PDZRN3: variants seen among roughly 807,000 people sequenced by gnomAD.
PDZRN3 encodes PDZ domain containing ring finger 3.
A neutral mutation model predicts 85.7 loss-of-function variants in PDZRN3; 38 were observed. That is an observed-to-expected ratio of 0.44 (90% CI 0.34 to 0.58). The LOEUF (loss-of-function observed/expected upper bound fraction) is 0.58, where lower values mean the gene tolerates loss of function less well. Among genes scored for constraint, PDZRN3 ranks in the 20% least tolerant of loss-of-function variants. The probability of loss-of-function intolerance (pLI) is 0.01; values close to 1 mark genes in which losing one functional copy is unlikely to be tolerated. For synonymous variants in PDZRN3, 759 were observed against 638.0 expected (o/e 1.19, Z -2.86); for missense variants, 1,629 against 1,506.4 (o/e 1.08, Z -1.35).
chr3:73,386,226 C>CTATTTTTTTTTT (rs1701381838), intron 8 of PDZRN3, among the ~76,000 whole-genome samples: 1 of 90,730 alleles, frequency 1.1e-5, no homozygotes, highest in African/African-American at 4.1e-5. Flanking sequence ...CAAGATATCA[C>CTATTTTTTTTTT]TTTTTTTTTT....
At chr3:73,406,097 G>A (rs1701849840) in intron 3 of PDZRN3, among the ~76,000 whole-genome samples, 1 of 152,102 alleles carries the variant, frequency 6.6e-6, no homozygotes, top group South Asian at 2.1e-4. Context: ...GAGTTCGGCA[G>A]AAAAGAACTC....
chr3:73,554,392 G>A (rs187422675), intron 3 of PDZRN3, among the ~76,000 whole-genome samples: 3 of 151,066 alleles, frequency 2.0e-5, no homozygotes, highest in African/African-American at 7.3e-5. Flanking sequence ...ACACTCCCAA[G>A]ATGAGAACAA....
chr3:73,577,343 C>G (rs1029070857), intron 3 of PDZRN3, among the ~76,000 whole-genome samples: 3 of 152,168 alleles, frequency 2.0e-5, no homozygotes, highest in African/African-American at 7.2e-5. Flanking sequence ...CAACCCCACA[C>G]GTAATCAGAG....
chr3:73,512,587 A>G (rs1704187160), intron 3 of PDZRN3, among the ~76,000 whole-genome samples: 1 of 152,078 alleles, frequency 6.6e-6, no homozygotes, highest in Non-Finnish European at 1.5e-5. Flanking sequence ...TAAAGCCCAA[A>G]TTGCACTTGT....
chr3:73,507,060 T>C (rs943574156), intron 3 of PDZRN3, among the ~76,000 whole-genome samples: 6 of 152,212 alleles, frequency 3.9e-5, no homozygotes, highest in Non-Finnish European at 8.8e-5. Context: ...AACTACCTAA[T>C]GACAAAATAT....
chr3:73,579,588 G>A (rs1196449569), intron 3 of PDZRN3, among the ~76,000 whole-genome samples: 2 of 152,188 alleles, frequency 1.3e-5, no homozygotes, highest in African/African-American at 4.8e-5. Context: ...GAGGTCGACA[G>A]GTATTGAGAA....
rs775234650 is a variant in PDZRN3, at chr3:73,384,291, T to C, written c.2275A>G (p.Asn759Asp). The part of the protein sequence containing the change: ...KSDKDSSSAY[N>D]TGESCRSTPL... ...GTGCTGCGGCAGCTCTCGCCTGTGT[T>C]GTAGGCGCTCGAGCTGTCCTTGTCG... Residue 759 changes from asparagine to aspartate, a missense_variant, in exon 10 of 10, where the codon AAC (asparagine) becomes GAC (aspartate). Coordinates refer to ENST00000263666, the MANE Select transcript of PDZRN3 (RefSeq NM_015009.3). The C allele has an allele frequency of 3.4e-5, 55 of 1,612,796 alleles. No homozygotes were observed. Among genetic ancestry groups the C allele is most frequent in the Non-Finnish European group, 4.7e-5 (55 of 1,179,996 alleles).
intron 3 of PDZRN3, among the ~76,000 whole-genome samples, chr3:73,561,993 C>T (rs1193950382): frequency 6.6e-6 from 1 of 150,764 alleles, no homozygotes; most frequent in Non-Finnish European, 1.5e-5. Flanking sequence ...CAAGAAGATA[C>T]ATCTGCTCCT....
At chr3:73,512,003 T>G (rs936260851) in intron 3 of PDZRN3, among the ~76,000 whole-genome samples, 5 of 152,264 alleles carry the variant, frequency 3.3e-5, no homozygotes, top group African/African-American at 9.6e-5. Context: ...ACTTATACAC[T>G]TGCAGAAGTT....
chr3:73,387,233 C>T (rs956251482), intron 8 of PDZRN3, among the ~76,000 whole-genome samples: 13 of 152,140 alleles, frequency 8.5e-5, no homozygotes, highest in African/African-American at 2.9e-4. Flanking sequence ...AGCATGAAAA[C>T]GGACTAATAC....
In PDZRN3 at chr3:73,624,557, C is replaced by A; in HGVS notation, c.269G>T (p.Gly90Val). 3.3e-6 allele frequency: 5 copies of A among 1,524,356 alleles called. No homozygotes were observed. The highest frequency in any genetic ancestry group is 4.4e-6 in the Non-Finnish European group (5 of 1,141,476). The allele number at this position is 1,524,356 out of a possible 1,614,324, so 94.4% of individuals were successfully genotyped here. ...IKCAYATRGCGRVVKLQQLPE... is the reference protein window; with the variant it reads ...IKCAYATRGCVRVVKLQQLPE... ...CAGCTGCTGCAGCTTGACCACCCGG[C>A]CGCAGCCGCGCGTCGCGTACGCGCA... is the stretch of plus-strand genomic sequence containing the variant. Residue 90 changes from glycine to valine, a missense_variant, in exon 1 of 10, where the codon GGC (glycine) becomes GTC (valine). Transcript: ENST00000263666.
chr3:73,515,510 T>C (rs1704241918), intron 3 of PDZRN3, among the ~76,000 whole-genome samples: 1 of 152,186 alleles, frequency 6.6e-6, no homozygotes, highest in African/African-American at 2.4e-5. Flanking sequence ...GAAATAAATG[T>C]GCTTCTCTCC....
At chr3:73,516,977 C>T (rs183256056) in intron 3 of PDZRN3, among the ~76,000 whole-genome samples, 3 of 152,292 alleles carry the variant, frequency 2.0e-5, no homozygotes, top group African/African-American at 7.2e-5. Context: ...CACAGCCATG[C>T]TGAAGTTTTG....
At chr3:73,415,272 A>C (rs1356937460) in intron 3 of PDZRN3, among the ~76,000 whole-genome samples, 1 of 152,066 alleles carries the variant, frequency 6.6e-6, no homozygotes, top group Non-Finnish European at 1.5e-5. Flanking sequence ...GGAAGAGAGG[A>C]GAGGGAAAGG....
At chr3:73,548,409 G>A (rs1701477901) in intron 3 of PDZRN3, among the ~76,000 whole-genome samples, 1 of 152,224 alleles carries the variant, frequency 6.6e-6, no homozygotes, top group Non-Finnish European at 1.5e-5. Context: ...ATGTCCCTGA[G>A]AGGTGAACAC....
intron 3 of PDZRN3, among the ~76,000 whole-genome samples, chr3:73,456,635 T>C (rs991725025): frequency 2.6e-5 from 4 of 152,228 alleles, no homozygotes; most frequent in Admixed American, 6.5e-5. Context: ...CACAGATATA[T>C]GCCTCCCATC....
chr3:73,572,044 CA>C (rs1702052953), intron 3 of PDZRN3, among the ~76,000 whole-genome samples: 1 of 151,656 alleles, frequency 6.6e-6, no homozygotes, highest in Admixed American at 6.6e-5. Context: ...TGATTCAGTG[CA>C]AAAAAAGGTC....
chr3:73,471,179 C>A (rs771367441), intron 3 of PDZRN3, among the ~76,000 whole-genome samples: 2 of 151,984 alleles, frequency 1.3e-5, no homozygotes, highest in Non-Finnish European at 2.9e-5. Flanking sequence ...AGAGGGACAA[C>A]GATGTGAAGA....
chr3:73,581,097 CT>C (rs1416631191), intron 3 of PDZRN3, among the ~76,000 whole-genome samples: 7 of 152,200 alleles, frequency 4.6e-5, no homozygotes, highest in African/African-American at 1.2e-4. Flanking sequence ...AGATGTACTC[CT>C]ACATAAGAAG....
Sources: gnomAD v4.1 joint callset for allele counts (sites outside exome capture counted in the v4.1 genomes callset) on GRCh38, gnomAD v4.1.1 for gene constraint, MANE v1.5 for transcripts, NCBI Gene and HGNC (gene_info 2026-07-23, HGNC 2026-07-21) for gene names.